CENPN: variants seen among roughly 807,000 people sequenced by gnomAD.
CENPN encodes the protein centromere protein N.
Under a neutral mutation model 48.6 loss-of-function variants are expected in CENPN, and 36 were observed. The ratio of observed to expected loss-of-function variants is 0.74; its 90% confidence interval spans 0.57 to 0.98. The LOEUF (loss-of-function observed/expected upper bound fraction) is 0.98, where lower values mean the gene tolerates loss of function less well. CENPN is among the 50% of genes least tolerant of loss of function. The pLI, the probability that CENPN is intolerant of heterozygous loss-of-function variation, is 0.00. For synonymous variants in CENPN, 166 were observed against 135.2 expected (o/e 1.23, Z -1.58); for missense variants, 439 against 399.2 (o/e 1.10, Z -0.85).
rs758490192 is a variant in CENPN, at chr16:81,017,740, T to G, written c.278-18T>G. ...GTAGCTCCCTTGATTTTTCTTTATT[T>G]TTTTTTCACTTTGGCAGGTGAAGAT... is the stretch of plus-strand genomic sequence containing the variant. On this transcript the variant is annotated intron_variant, in intron 4 of 10. Coordinates refer to ENST00000305850, the MANE Select transcript of CENPN (RefSeq NM_001100624.3). 1.3e-6 allele frequency: 2 copies of G among 1,560,432 alleles called. No homozygotes were observed. The highest frequency in any genetic ancestry group is 4.5e-5 in the East Asian group (2 of 44,530).
chr16:81,011,091 C>G (rs1969722868), intron 1 of CENPN, among the ~76,000 whole-genome samples: 1 of 152,198 alleles, frequency 6.6e-6, no homozygotes, highest in African/African-American at 2.4e-5. Flanking sequence ...TGCCTCCTTC[C>G]TGTCTCTGCT....
intron 2 of CENPN, 64 bp from the exon 3 acceptor site, chr16:81,014,072 G>C: frequency 7.3e-7 from 1 of 1,365,276 alleles, no homozygotes; most frequent in Non-Finnish European, 1.0e-6. Flanking sequence ...CCTAAAATGT[G>C]TTTTAAACGG....
downstream of CENPN, chr16:81,032,816 C>T (rs899303922): frequency 3.7e-6 from 4 of 1,085,014 alleles, no homozygotes; most frequent in African/African-American, 3.2e-5. Context: ...CTTTGTTACT[C>T]AAATTTGACC....
intron 5 of CENPN, among the ~76,000 whole-genome samples, 180 bp downstream of exon 5, chr16:81,018,014 C>G (rs1278375611): frequency 2.0e-5 from 3 of 152,102 alleles, no homozygotes; most frequent in East Asian, 1.9e-4. Flanking sequence ...TTTCCTCTCT[C>G]CTGTCCATTC....
intron 4 of CENPN, 93 bp from the exon 5 acceptor site, chr16:81,017,664 AC>A: frequency 3.4e-6 from 3 of 881,552 alleles, no homozygotes; most frequent in Non-Finnish European, 5.5e-6. Context: ...CTGGAATTAT[AC>A]AAAATGCTTA....
At chr16:81,031,951 C>T (rs1030065698), downstream of CENPN, among the ~76,000 whole-genome samples, 3 of 152,140 alleles carry the variant, frequency 2.0e-5, no homozygotes, top group Non-Finnish European at 2.9e-5. Flanking sequence ...CTCACTGTTT[C>T]ATTTGTGAAA....
chr16:81,019,971 A>C, intron 5 of CENPN, 129 bp from the exon 6 acceptor site: 1 of 570,564 alleles, frequency 1.8e-6, no homozygotes, highest in Non-Finnish European at 2.9e-6. Flanking sequence ...AGCAGAAAAG[A>C]CTGCCAGGTC....
At chr16:81,017,027 T>C (rs1969960015) in intron 3 of CENPN, 1 of 278,138 alleles carries the variant, frequency 3.6e-6, no homozygotes, top group Non-Finnish European at 6.8e-6. Flanking sequence ...GCCAGATTAA[T>C]GTGGCATTCT....
intron 2 of CENPN, among the ~76,000 whole-genome samples, chr16:81,013,589 T>C (rs13331118): frequency 0.24 from 36,494 of 152,072 alleles, 4,556 homozygotes; most frequent in East Asian, 0.42. Flanking sequence ...GGCATGGTGG[T>C]GCACACCTGT....
Position 81,029,297 on chromosome 16 carries a change from G to A in CENPN, c.*646G>A. On this transcript the variant is annotated 3_prime_UTR_variant, in exon 11 of 11. Coordinates refer to ENST00000305850, the MANE Select transcript of CENPN (RefSeq NM_001100624.3). ...ACAAATATATTGACTTATGAATAAA[G>A]GTGTCAAAAAACTGGCACATCAGTT... is the stretch of plus-strand genomic sequence containing the variant. 1 of 923,656 alleles carries A rather than the reference G, an allele frequency of 1.1e-6. No homozygotes were observed. 57.2% of individuals were successfully genotyped at this position (923,656 alleles called of 1,614,324 possible). A position where few individuals can be genotyped will look rare whatever the true frequency, so the allele number is the denominator to read the frequency against.
rs1597113343 is a variant in CENPN, at chr16:81,029,362, CCTAT to C, written c.*714_*717del. ...TACTTCAGTGATCATCACTAAATAC[CCTAT>C]CTTTTTAAAAATTTTTTCCTTTCTA... On this transcript the variant is annotated 3_prime_UTR_variant, in exon 11 of 11. Coordinates refer to ENST00000305850, the MANE Select transcript of CENPN (RefSeq NM_001100624.3). 1 of 929,596 alleles carries C rather than the reference CCTAT, an allele frequency of 1.1e-6. No individual in the cohort carries two copies. Among genetic ancestry groups the C allele is most frequent in the Non-Finnish European group, 1.3e-6 (1 of 779,530 alleles). The allele number at this position is 929,596 out of a possible 1,614,324, so 57.6% of individuals were successfully genotyped here.
chr16:81,014,921 G>C (rs975053480), intron 3 of CENPN, among the ~76,000 whole-genome samples: 1 of 152,130 alleles, frequency 6.6e-6, no homozygotes, highest in South Asian at 2.1e-4. Flanking sequence ...AGTTACATGA[G>C]GTATGCAACA....
Position 81,026,507 on chromosome 16 carries a change from T to C in CENPN, c.698-19T>C. ...ATATATTCCTAACGGCTGTTTTATT[T>C]GAAATCTTCCACCCATAGTGGATTC... On this transcript the variant is annotated intron_variant, in intron 8 of 10. Coordinates refer to ENST00000305850, the MANE Select transcript of CENPN (RefSeq NM_001100624.3). The C allele has an allele frequency of 7.8e-7, 1 of 1,277,432 alleles. No homozygotes were observed. The highest frequency in any genetic ancestry group is 1.1e-6 in the Non-Finnish European group (1 of 888,412). The allele number at this position is 1,277,432 out of a possible 1,614,324, so 79.1% of individuals were successfully genotyped here.
At chr16:81,007,678 A>T (rs1038868492) in intron 1 of CENPN, among the ~76,000 whole-genome samples, 1 of 152,120 alleles carries the variant, frequency 6.6e-6, no homozygotes, top group Non-Finnish European at 1.5e-5. Context: ...TGCTCCTCGC[A>T]TTGCCTGTTG....
chr16:81,022,750 C>T, intron 7 of CENPN, 52 bp downstream of exon 7: 1 of 1,614,022 alleles, frequency 6.2e-7, no homozygotes. Context: ...TTCTCTTTGA[C>T]ACAGGAGTTA....
intron 1 of CENPN, among the ~76,000 whole-genome samples, chr16:81,010,191 C>CT (rs1215630450): frequency 1.3e-5 from 2 of 152,126 alleles, no homozygotes; most frequent in African/African-American, 4.8e-5. Context: ...GAGTGAGACT[C>CT]TATCTCAAAT....
Position 81,014,085 on chromosome 16 carries a change from T to C in CENPN, c.172-51T>C, listed in dbSNP as rs141203198. On this transcript the variant is annotated intron_variant, in intron 2 of 10. Coordinates refer to ENST00000305850, the MANE Select transcript of CENPN (RefSeq NM_001100624.3). ...ATCCTAAAATGTGTTTTAAACGGGA[T>C]AGAACCAAACCTATAACCACAGTTA... The C allele has an allele frequency of 1.2e-4, 179 of 1,504,590 alleles. No homozygotes were observed. In the African/African-American group the frequency reaches 2.1e-3, roughly 17 times the overall value. 93.2% of individuals were successfully genotyped at this position (1,504,590 alleles called of 1,614,324 possible).
downstream of CENPN, among the ~76,000 whole-genome samples, chr16:81,032,186 T>C (rs1410888633): frequency 2.6e-5 from 4 of 152,310 alleles, no homozygotes; most frequent in South Asian, 6.2e-4. Flanking sequence ...ACAGTTGCCT[T>C]CTATTCTGTC....
At chr16:81,020,492 C>A (rs1597097254) in intron 6 of CENPN, 1 of 411,112 alleles carries the variant, frequency 2.4e-6, no homozygotes, top group Non-Finnish European at 4.3e-6. Flanking sequence ...GACAAAGCAA[C>A]ACCCCACCTC....
Sources: allele counts gnomAD v4.1 joint callset (sites outside exome capture counted in the v4.1 genomes callset), GRCh38; gene constraint gnomAD v4.1.1; transcripts MANE v1.5; gene names NCBI Gene and HGNC (gene_info 2026-07-23, HGNC 2026-07-21).